NRP2: variants seen among roughly 807,000 people sequenced by gnomAD.
NRP2 encodes the protein neuropilin 2, also known as neuropilin-2.
Under a neutral mutation model 110.4 loss-of-function variants are expected in NRP2, and 52 were observed. That is an observed-to-expected ratio of 0.47 (90% confidence interval 0.38 to 0.59). The LOEUF is 0.59. Among genes scored for constraint, NRP2 ranks in the 20% least tolerant of loss-of-function variants. NRP2 has a pLI of 0.00. For synonymous variants in NRP2, 508 were observed against 468.9 expected (o/e 1.08, Z -1.08); for missense variants, 1,049 against 1,203.0 (o/e 0.87, Z 1.89).
At chr2:205,749,545 T>C in intron 10 of NRP2, 180 bp from the exon 11 acceptor site, 3 of 586,316 alleles carry the variant, frequency 5.1e-6, no homozygotes, top group Non-Finnish European at 9.5e-6. Flanking sequence ...CCCAGGACCA[T>C]TCTCATTCTA....
In NRP2 at chr2:205,716,354, G is replaced by A; in HGVS notation, c.413G>A (p.Arg138His). ...CGGCAGGGGGCAGGCTTCTCTCTGC[G>A]CTACGAGATCTTCAAGACAGGTCAG... The part of the protein sequence containing the change: ...YARQGAGFSL[R>H]YEIFKTGSED... The change falls in exon 3 of 17, where the codon CGC (arginine) becomes CAC (histidine). Residue 138 changes from arginine to histidine, a missense_variant. Arg to His is a conservative substitution (Grantham distance 29). Coordinates refer to ENST00000357785, the MANE Select transcript of NRP2 (RefSeq NM_003872.3). 1 of 1,613,996 alleles carries A rather than the reference G, an allele frequency of 6.2e-7. No individual in the cohort carries two copies. The highest frequency in any genetic ancestry group is 1.7e-5 in the Admixed American group (1 of 60,014).
At chr2:205,768,881 GGAAT>G (rs1418056059) in intron 15 of NRP2, among the ~76,000 whole-genome samples, 17 of 152,276 alleles carry the variant, frequency 1.1e-4, no homozygotes, top group African/African-American at 3.8e-4. Context: ...ATCTGAATTG[GGAAT>G]GGAGAATTTC....
intron 2 of NRP2, among the ~76,000 whole-genome samples, chr2:205,707,585 G>A (rs2056706417): frequency 1.3e-5 from 2 of 152,160 alleles, no homozygotes; most frequent in African/African-American, 2.4e-5. Flanking sequence ...CATCTTCCAA[G>A]TTTTGTTAGG....
intron 7 of NRP2, among the ~76,000 whole-genome samples, chr2:205,728,572 G>A (rs1184112606): frequency 2.0e-5 from 3 of 152,218 alleles, no homozygotes; most frequent in African/African-American, 2.4e-5. Context: ...CATGCTTAGC[G>A]GCGAGGCATT....
At position 205,795,053 on chromosome 2, in the gene NRP2, G is replaced by A. The variant is rs1432715974; in HGVS notation, c.2776G>A (p.Ala926Thr). 6.2e-7 allele frequency: 1 copy of A among 1,613,900 alleles called. No homozygotes were observed. Among genetic ancestry groups the A allele is most frequent in the Admixed American group, 1.7e-5 (1 of 59,986 alleles). Residue 926 changes from alanine (A) to threonine (T), a missense_variant, in exon 17 of 17, where the codon GCA becomes ACA. By Grantham distance (58) the Ala-to-Thr change is moderately conservative. Transcript: ENST00000357785. Reference sequence around the variant, plus strand: ...GAACCACCAAAAGTGCTGCTCCGAGGCATGACGGATTGCACCTGAATCCTA... The same window carrying A: ...GAACCACCAAAAGTGCTGCTCCGAGACATGACGGATTGCACCTGAATCCTA... ...KMNHQKCCSE[A>T]
At chr2:205,747,431 G>A (rs2057558108) in intron 10 of NRP2, among the ~76,000 whole-genome samples, 1 of 152,202 alleles carries the variant, frequency 6.6e-6, no homozygotes, top group African/African-American at 2.4e-5. Context: ...ATGAATGGAT[G>A]TGAAATACTT....
chr2:205,747,609 G>A (rs1053106278), intron 10 of NRP2, among the ~76,000 whole-genome samples: 1 of 152,188 alleles, frequency 6.6e-6, no homozygotes, highest in Non-Finnish European at 1.5e-5. Flanking sequence ...ACAACCCAAT[G>A]ATGAGAGTGA....
intron 1 of NRP2, chr2:205,685,868 G>A (rs2056144797): frequency 6.6e-6 from 1 of 152,412 alleles, no homozygotes; most frequent in African/African-American, 2.4e-5. Context: ...GGCGGAGAGA[G>A]GCGGGAAGGA....
At chr2:205,778,812 G>C (rs1302902460) in intron 15 of NRP2, 1 of 152,166 alleles carries the variant, frequency 6.6e-6, no homozygotes, top group African/African-American at 2.4e-5. Context: ...ACATGCCTTA[G>C]TTGAGAATAT....
intron 7 of NRP2, among the ~76,000 whole-genome samples, chr2:205,731,086 C>A (rs3771033): frequency 6.6e-6 from 1 of 152,026 alleles, no homozygotes; most frequent in Non-Finnish European, 1.5e-5. Flanking sequence ...AATCTTTATC[C>A]AATTCCACAT....
At chr2:205,766,316 A>C (rs1446854958) in intron 14 of NRP2, among the ~76,000 whole-genome samples, 1 of 152,198 alleles carries the variant, frequency 6.6e-6, no homozygotes, top group Non-Finnish European at 1.5e-5. Context: ...AGAAGGCATG[A>C]GGGTTGCTTT....
chr2:205,716,937 T>C (rs1025246902), intron 3 of NRP2, among the ~76,000 whole-genome samples: 1 of 152,156 alleles, frequency 6.6e-6, no homozygotes, highest in African/African-American at 2.4e-5. Flanking sequence ...TAAATGCCAA[T>C]GAACTTGACT....
At chr2:205,759,499 T>C (rs2057787270) in intron 12 of NRP2, 1 of 152,238 alleles carries the variant, frequency 6.6e-6, no homozygotes, top group Non-Finnish European at 1.5e-5. Context: ...GAGGCAGGAC[T>C]GGCCTGCCCT....
rs2057102498 is a variant in NRP2 at position 205,725,071 on chromosome 2, G to A, written c.821-842G>A. Among the ~76,000 whole-genome samples, 1 of 152,176 alleles carries A rather than the reference G, an allele frequency of 6.6e-6. No individual in the cohort carries two copies. The highest frequency in any genetic ancestry group is 6.5e-5 in the Admixed American group (1 of 15,282). Reference sequence around the variant, plus strand: ...CACCATATATATAACTACAGACACGGCAGCCTGGCCTGCAGGAAGGTTGCT... The same window carrying A: ...CACCATATATATAACTACAGACACGACAGCCTGGCCTGCAGGAAGGTTGCT... On this transcript the variant is annotated intron_variant, in intron 5 of 16. Transcript: ENST00000357785. This position sits in a 1 kb window ranked among gnomAD's most constrained non-coding sequence, Gnocchi z 4.1.
chr2:205,794,622 C>T (rs551699758), intron 16 of NRP2, 132 bp from the exon 17 acceptor site: 7 of 946,734 alleles, frequency 7.4e-6, no homozygotes, highest in Non-Finnish European at 8.5e-6. Context: ...GGCTTTGAAC[C>T]CAGGCAGTCT....
intron 1 of NRP2, among the ~76,000 whole-genome samples, chr2:205,692,690 T>A (rs1000338591): frequency 1.3e-5 from 2 of 152,204 alleles, no homozygotes; most frequent in Non-Finnish European, 2.9e-5. Flanking sequence ...AAGACAGACA[T>A]GTTTTCTGAA....
At chr2:205,762,330 A>G (rs1244174513) in intron 12 of NRP2, 1 of 152,306 alleles carries the variant, frequency 6.6e-6, no homozygotes, top group Non-Finnish European at 1.5e-5. Context: ...GGGAGTCAAG[A>G]AGGAAAGAGC....
chr2:205,788,205 A>G (rs1184764566), intron 15 of NRP2, among the ~76,000 whole-genome samples: 1 of 152,168 alleles, frequency 6.6e-6, no homozygotes, highest in Non-Finnish European at 1.5e-5. Flanking sequence ...GACACTGACC[A>G]AAATAAGGTG....
chr2:205,728,137 A>G, intron 7 of NRP2, 91 bp downstream of exon 7: 1 of 1,463,958 alleles, frequency 6.8e-7, no homozygotes, highest in South Asian at 1.1e-5. Context: ...TACAGGAGAG[A>G]GGGCCTTGTG....
Sources: allele counts gnomAD v4.1 joint callset (sites outside exome capture counted in the v4.1 genomes callset), GRCh38; gene constraint gnomAD v4.1.1; non-coding constraint Gnocchi (gnomAD v3.1); transcripts MANE v1.5; gene names NCBI Gene and HGNC (gene_info 2026-07-23, HGNC 2026-07-21).